The following PACRG variants were observed in gnomAD, a reference collection of about 807,000 sequenced individuals.
PACRG encodes parkin coregulated gene protein.
PACRG carries 29 observed loss-of-function variants against 29.7 expected under a neutral mutation model. The ratio of observed to expected loss-of-function variants is 0.98; its 90% confidence interval spans 0.73 to 1.33. The LOEUF is 1.33. Among genes scored for constraint, PACRG ranks in the 40% most tolerant of loss-of-function variants. The pLI, the probability that PACRG is intolerant of heterozygous loss-of-function variation, is 0.00. For missense variants in PACRG, 279 were observed against 316.2 expected, an observed-to-expected ratio of 0.88 and a Z score of 0.89; for synonymous variants, 116 against 118.7, an observed-to-expected ratio of 0.98 and a Z score of 0.15.
chr6:163,015,385 A>G (rs919674740), intron 2 of PACRG, among the ~76,000 whole-genome samples: 1 of 152,200 alleles, frequency 6.6e-6, no homozygotes, highest in African/African-American at 2.4e-5. Flanking sequence ...AATTCTGTGA[A>G]AAACGACATT....
At chr6:163,101,086 T>C (rs1815059796) in intron 4 of PACRG, 1 of 981,166 alleles carries the variant, frequency 1.0e-6, no homozygotes, top group South Asian at 4.7e-5. Context: ...ACAATGAAAT[T>C]AAAAATCATT....
At chr6:163,068,963 T>C (rs1282592883) in intron 3 of PACRG, among the ~76,000 whole-genome samples, 1 of 152,146 alleles carries the variant, frequency 6.6e-6, no homozygotes, top group African/African-American at 2.4e-5. Flanking sequence ...ATTTTCCCTT[T>C]GCTACCATTT....
intron 4 of PACRG, among the ~76,000 whole-genome samples, chr6:163,204,107 G>A (rs1780809164): frequency 6.6e-6 from 1 of 152,216 alleles, no homozygotes; most frequent in African/African-American, 2.4e-5. Flanking sequence ...TCCTGTGATA[G>A]GGTTTGGGAG....
At chr6:163,018,122 C>T (rs1806275534) in intron 2 of PACRG, among the ~76,000 whole-genome samples, 1 of 152,124 alleles carries the variant, frequency 6.6e-6, no homozygotes, top group South Asian at 2.1e-4. Context: ...TCCCCCTTCC[C>T]TCCTTCCACT....
chr6:163,089,464 T>C, intron 4 of PACRG, 56 bp downstream of exon 4: 1 of 1,579,838 alleles, frequency 6.3e-7, no homozygotes, highest in Non-Finnish European at 8.7e-7. Context: ...GGGAGTGGTT[T>C]GAAGTAGAGT....
chr6:163,136,296 T>C (rs1383261782), intron 4 of PACRG, among the ~76,000 whole-genome samples: 4 of 152,212 alleles, frequency 2.6e-5, no homozygotes, highest in Admixed American at 6.5e-5. Flanking sequence ...TTTTCTTGTT[T>C]TACCCACTGC....
rs200270873 is a variant in PACRG, at chr6:162,958,884, TAG to T, written c.292-103212_292-103211del. 6.1e-3 allele frequency among the ~76,000 whole-genome samples: 127 copies of T among 20,956 alleles called. 1 individual carries two copies. Among genetic ancestry groups the T allele is most frequent in the Admixed American group, 0.014 (20 of 1,416 alleles). 13.7% of individuals were successfully genotyped at this position (20,956 alleles called of 152,430 possible). On this transcript the variant is annotated intron_variant, in intron 2 of 4. Transcript: ENST00000366888. ...ATATATATATATATATATATATATATAGAGAGAGAGAGAGAGAGAGAGAGAGA... is the reference window on the plus strand; with the variant it reads ...ATATATATATATATATATATATATATAGAGAGAGAGAGAGAGAGAGAGAGA...
intron 4 of PACRG, among the ~76,000 whole-genome samples, chr6:163,306,877 G>A (rs997542250): frequency 9.9e-5 from 15 of 152,170 alleles, no homozygotes; most frequent in Non-Finnish European, 2.1e-4. Context: ...TAGGTGAATA[G>A]AAACCAGAGA....
chr6:162,836,880 C>T lies in PACRG; in HGVS notation c.291+22599C>T, dbSNP rs180754322. ...CAGATATTAGTTTGGGGATTTTTCA[C>T]AATGTTACAAAGCTAGTGAGTAGCC... On this transcript the variant is annotated intron_variant, in intron 2 of 4. Transcript: ENST00000366888. Among the ~76,000 whole-genome samples the T allele has an allele frequency of 2.0e-5, 3 of 152,212 alleles. No homozygotes were observed. The East Asian group carries it at 5.8e-4, about 29-fold the overall frequency.
chr6:163,256,967 T>C (rs1438836861), intron 4 of PACRG, among the ~76,000 whole-genome samples: 1 of 152,040 alleles, frequency 6.6e-6, no homozygotes. Flanking sequence ...CGACCTTTGG[T>C]GTTCCTTGGC....
intron 1 of PACRG, among the ~76,000 whole-genome samples, chr6:162,783,839 T>C (rs1208366075): frequency 1.3e-5 from 2 of 152,136 alleles, no homozygotes; most frequent in Non-Finnish European, 2.9e-5. Flanking sequence ...GTATTTCTTT[T>C]ATATTCTTGT....
Position 162,770,782 on chromosome 6 carries a change from C to G in PACRG, c.156+42391C>G, listed in dbSNP as rs1783158258. 2.0e-5 allele frequency among the ~76,000 whole-genome samples: 3 copies of G among 152,120 alleles called. No homozygotes were observed. The South Asian group carries it at 6.2e-4, about 31-fold the overall frequency. ...TAAGCATAAATATAGCAACCATTTT[C>G]TGGACTAATAAACAACTTGGTGCCC... is the stretch of plus-strand genomic sequence containing the variant. On this transcript the variant is annotated intron_variant, in intron 1 of 4. Transcript: ENST00000366888.
At chr6:163,232,890 C>T (rs779271017) in intron 4 of PACRG, among the ~76,000 whole-genome samples, 10 of 152,138 alleles carry the variant, frequency 6.6e-5, no homozygotes, top group Non-Finnish European at 7.4e-5. Flanking sequence ...CTCCAGGAGC[C>T]TCCACCCCCG....
chr6:162,751,477 A>T (rs1781509427), intron 1 of PACRG, among the ~76,000 whole-genome samples: 1 of 150,488 alleles, frequency 6.6e-6, no homozygotes, highest in Admixed American at 6.6e-5. Flanking sequence ...CAGTTCTGAA[A>T]TCTTTTTTTT....
intron 1 of PACRG, among the ~76,000 whole-genome samples, chr6:162,787,582 G>GTGTATATATATATATATATA (rs1198197561): frequency 1.6e-5 from 1 of 62,418 alleles, no homozygotes; most frequent in Non-Finnish European, 3.0e-5. Context: ...GTGTGTGTGT[G>GTGTATATATATATATATATA]TATATATATA....
intron 2 of PACRG, among the ~76,000 whole-genome samples, chr6:162,842,610 T>C (rs1424325922): frequency 3.6e-4 from 46 of 127,454 alleles, no homozygotes; most frequent in Non-Finnish European, 6.8e-4. Context: ...AAAGTTAATA[T>C]TGTTATGTGT....
At position 163,137,982 on chromosome 6, in the gene PACRG, C is replaced by G. The variant is rs78123985; in HGVS notation, c.613+48574C>G. On this transcript the variant is annotated intron_variant, in intron 4 of 4. Transcript: ENST00000366888. ...GTGAGGAAGCCACGGCTCAGCCTTC[C>G]GAGTCTCCTCTACCTGAGCCTCAGA... 6.3e-3 allele frequency among the ~76,000 whole-genome samples: 956 copies of G among 152,310 alleles called. 5 individuals are homozygous for G. Among genetic ancestry groups the G allele is most frequent in the African/African-American group, 0.02 (812 of 41,556 alleles).
intron 4 of PACRG, among the ~76,000 whole-genome samples, chr6:163,257,490 C>T (rs1783159677): frequency 6.6e-6 from 1 of 152,200 alleles, no homozygotes; most frequent in South Asian, 2.1e-4. Flanking sequence ...GGATTCTGAT[C>T]CCTTAGTCAG....
At chr6:163,185,855 G>A (rs1253051651) in intron 4 of PACRG, among the ~76,000 whole-genome samples, 1 of 152,132 alleles carries the variant, frequency 6.6e-6, no homozygotes, top group Non-Finnish European at 1.5e-5. Context: ...TGTGCATCGG[G>A]AGAATTTTGC....
Sources: allele counts gnomAD v4.1 joint callset (sites outside exome capture counted in the v4.1 genomes callset), GRCh38; gene constraint gnomAD v4.1.1; transcripts MANE v1.5; gene names NCBI Gene and HGNC (gene_info 2026-07-23, HGNC 2026-07-21).